MEIS1: variants seen among roughly 807,000 people sequenced by gnomAD.
MEIS1 encodes homeobox protein Meis1.
In MEIS1, 5 loss-of-function variants were observed where a neutral mutation model predicts 50.8. The observed-to-expected ratio is 0.10, with a 90% CI of 0.05 to 0.21. The LOEUF (loss-of-function observed/expected upper bound fraction) is 0.21. Among genes scored for constraint, MEIS1 ranks in the 10% least tolerant of loss-of-function variants. The probability of loss-of-function intolerance (pLI) is 1.00; values close to 1 mark genes in which losing one functional copy is unlikely to be tolerated. For missense variants in MEIS1, 318 were observed against 517.3 expected (o/e 0.61, Z 3.74); for synonymous variants, 176 against 179.3 (o/e 0.98, Z 0.15).
rs1675485690 is a variant in MEIS1 at position 66,571,426 on chromosome 2, G to T, written c.*218G>T. 2 of 1,606,058 alleles carry T rather than the reference G, an allele frequency of 1.2e-6. No homozygotes were observed. The highest frequency in any genetic ancestry group is 1.3e-5 in the African/African-American group (1 of 74,890). On this transcript the variant is annotated 3_prime_UTR_variant, in exon 13 of 13. Transcript: ENST00000272369. ...CACCCAACAGTGATGATGCATGGAG[G>T]ACCGCCCCACCCTGGAATGCCAATG... is the stretch of plus-strand genomic sequence containing the variant.
intron 7 of MEIS1, among the ~76,000 whole-genome samples, chr2:66,508,458 G>A (rs1673737915): frequency 6.6e-6 from 1 of 152,148 alleles, no homozygotes; most frequent in Admixed American, 6.5e-5. Context: ...ACTTCAATGA[G>A]GGGGAAAAAA....
intron 8 of MEIS1, among the ~76,000 whole-genome samples, chr2:66,512,600 G>A (rs572236943): frequency 1.3e-5 from 2 of 152,278 alleles, no homozygotes; most frequent in African/African-American, 4.8e-5. Flanking sequence ...TGACCCTTAA[G>A]TGCTCAGAAC....
At chr2:66,481,410 C>T (rs770933146) in intron 7 of MEIS1, among the ~76,000 whole-genome samples, 47 of 152,342 alleles carry the variant, frequency 3.1e-4, no homozygotes, top group Admixed American at 7.8e-4. Context: ...TTCCTTCCTG[C>T]TGCCTATCAG....
chr2:66,455,231 A>G lies in MEIS1; in HGVS notation c.631-8878A>G, dbSNP rs148293862. 3.1e-3 allele frequency among the ~76,000 whole-genome samples: 475 copies of G among 152,328 alleles called. 1 individual carries two copies. The highest frequency in any genetic ancestry group is 0.011 in the African/African-American group (452 of 41,574). ...TTTGAACATTCAGGGCACTTGAATA[A>G]TTTCTATTACTTACCAGTTTTGAGA... is the stretch of plus-strand genomic sequence containing the variant. On this transcript the variant is annotated intron_variant, in intron 6 of 12. Coordinates refer to ENST00000272369, the MANE Select transcript of MEIS1 (RefSeq NM_002398.3).
chr2:66,531,731 G>T (rs1416967129), intron 8 of MEIS1, among the ~76,000 whole-genome samples: 2 of 152,214 alleles, frequency 1.3e-5, no homozygotes, highest in Non-Finnish European at 2.9e-5. Flanking sequence ...GCTTACATCT[G>T]CTGATTGGCT....
rs189038898 is a variant in MEIS1, at chr2:66,450,258, A to T, written c.630+7210A>T. On this transcript the variant is annotated intron_variant, in intron 6 of 12. Transcript: ENST00000272369. ...CTTGTACTTCATAATTCTATTTACA[A>T]TTAATAGAATTTATACTCACGAAGT... Among the ~76,000 whole-genome samples the T allele has an allele frequency of 1.4e-4, 22 of 152,272 alleles. 1 individual carries two copies. In the South Asian group the frequency reaches 4.6e-3, roughly 32 times the overall value.
intron 8 of MEIS1, among the ~76,000 whole-genome samples, chr2:66,537,134 T>A (rs2103907376): frequency 6.6e-6 from 1 of 152,294 alleles, no homozygotes; most frequent in South Asian, 2.1e-4. Flanking sequence ...GATTTTAATG[T>A]CCCTACAGAC....
chr2:66,446,093 C>T (rs1672136282), intron 6 of MEIS1, among the ~76,000 whole-genome samples: 1 of 152,080 alleles, frequency 6.6e-6, no homozygotes, highest in Admixed American at 6.5e-5. Context: ...GGGGCGAGGT[C>T]CCGGCTGCGA....
intron 8 of MEIS1, among the ~76,000 whole-genome samples, chr2:66,527,071 G>A (rs1674270178): frequency 1.3e-5 from 2 of 152,192 alleles, no homozygotes; most frequent in Non-Finnish European, 2.9e-5. Context: ...GGGAAAAAAG[G>A]CCAAATATAC....
rs1027255189 is a variant in MEIS1, at chr2:66,531,932, T to TA, written c.889-15998dup. Among the ~76,000 whole-genome samples, 114 of 146,028 alleles carry TA rather than the reference T, an allele frequency of 7.8e-4. 1 individual carries two copies. In the East Asian group the frequency reaches 9.8e-3, roughly 13 times the overall value. ...GAGTTTGGTAGGTATGGCTCTCAGTTAAAAAAAAAAAAATCATCGCAGACC... is the reference window on the plus strand; with the variant it reads ...GAGTTTGGTAGGTATGGCTCTCAGTTAAAAAAAAAAAAAATCATCGCAGACC... On this transcript the variant is annotated intron_variant, in intron 8 of 12. Coordinates refer to ENST00000272369, the MANE Select transcript of MEIS1 (RefSeq NM_002398.3).
chr2:66,503,060 C>T (rs932640822), intron 7 of MEIS1, among the ~76,000 whole-genome samples: 1 of 152,178 alleles, frequency 6.6e-6, no homozygotes, highest in Admixed American at 6.5e-5. Flanking sequence ...TGAATGGACT[C>T]ATTGCTTTTC....
intron 8 of MEIS1, among the ~76,000 whole-genome samples, chr2:66,546,179 G>C (rs192156915): frequency 6.6e-6 from 1 of 152,158 alleles, no homozygotes; most frequent in South Asian, 2.1e-4. Context: ...GAATGTGAGC[G>C]TGATAAGGCG....
chr2:66,464,209 G>A lies in MEIS1; in HGVS notation c.731G>A (p.Ser244Asn). The stretch of plus-strand genomic sequence containing the variant: ...CACACGTCACACAGTGGGGACAACA[G>A]CAGTGAGCAAGGTAGGAGAGATGTT... ...GGHTSHSGDN[S>N]SEQGDGLDNS... Residue 244 changes from serine to asparagine, a missense_variant, in exon 7 of 13, where the codon AGC becomes AAC. Transcript: ENST00000272369. 6.3e-7 allele frequency: 1 copy of A among 1,596,834 alleles called. No individual in the cohort carries two copies. Among genetic ancestry groups the A allele is most frequent in the Non-Finnish European group, 8.5e-7 (1 of 1,171,640 alleles).
intron 6 of MEIS1, among the ~76,000 whole-genome samples, chr2:66,448,938 T>A (rs1002376051): frequency 1.7e-4 from 26 of 152,246 alleles, no homozygotes; most frequent in African/African-American, 5.8e-4. Context: ...TTTGCAACTG[T>A]AGCATTTTAC....
rs183628149 is a variant in MEIS1, at chr2:66,490,150, G to A, written c.743-21999G>A. On this transcript the variant is annotated intron_variant, in intron 7 of 12. Coordinates refer to ENST00000272369, the MANE Select transcript of MEIS1 (RefSeq NM_002398.3). ...CATTTCCATATTTGGCAAATTCAGC[G>A]TCTACAGTTTCACCGAAGAGTGTTT... is the stretch of plus-strand genomic sequence containing the variant. Among the ~76,000 whole-genome samples, 364 of 152,296 alleles carry A rather than the reference G, an allele frequency of 2.4e-3. 2 individuals are homozygous for A. The highest frequency in any genetic ancestry group is 6.8e-3 in the Middle Eastern group (2 of 294).
At chr2:66,463,428 C>T (rs1161820178) in intron 6 of MEIS1, among the ~76,000 whole-genome samples, 2 of 152,104 alleles carry the variant, frequency 1.3e-5, no homozygotes, top group African/African-American at 4.8e-5. Context: ...TATTTTACAG[C>T]CAATTTTTCC....
At position 66,571,075 on chromosome 2, in the gene MEIS1, A is replaced by G. The variant is rs560466990; in HGVS notation, c.*38-171A>G. 1.6e-5 allele frequency: 11 copies of G among 671,612 alleles called. No homozygotes were observed. In the South Asian group the frequency reaches 1.7e-4, roughly 11 times the overall value. 41.6% of individuals were successfully genotyped at this position (671,612 alleles called of 1,614,324 possible). A position where few individuals can be genotyped will look rare whatever the true frequency, so the allele number is the denominator to read the frequency against. ...TAGTGGCAAAATGTGAGTTTCCAGCATGATGTTTCTCATTTTATTTTCTTC... is the reference window on the plus strand; with the variant it reads ...TAGTGGCAAAATGTGAGTTTCCAGCGTGATGTTTCTCATTTTATTTTCTTC... On this transcript the variant is annotated intron_variant, in intron 12 of 12. Coordinates refer to ENST00000272369, the MANE Select transcript of MEIS1 (RefSeq NM_002398.3).
chr2:66,440,730 G>A, intron 4 of MEIS1, 118 bp downstream of exon 4: 1 of 672,180 alleles, frequency 1.5e-6, no homozygotes. Flanking sequence ...CGTGCCTGCA[G>A]GTTGGCTGCA....
At chr2:66,487,295 A>G (rs1414648158) in intron 7 of MEIS1, among the ~76,000 whole-genome samples, 1 of 152,186 alleles carries the variant, frequency 6.6e-6, no homozygotes, top group Non-Finnish European at 1.5e-5. Context: ...TACAATAAAC[A>G]CCTGTAACTC....
Sources: allele counts gnomAD v4.1 joint callset (sites outside exome capture counted in the v4.1 genomes callset), GRCh38; gene constraint gnomAD v4.1.1; transcripts MANE v1.5; gene names NCBI Gene and HGNC (gene_info 2026-07-23, HGNC 2026-07-21).